SMU1: variants seen among roughly 807,000 people sequenced by gnomAD.
The protein encoded by SMU1 is SMU1 DNA replication regulator and spliceosomal factor, also known as WD40 repeat-containing protein SMU1.
Under a neutral mutation model 62.0 loss-of-function variants are expected in SMU1, and 2 were observed. The observed-to-expected ratio is 0.03, with a 90% confidence interval of 0.01 to 0.10. The LOEUF is 0.10. SMU1 is among the 10% of genes least tolerant of loss of function. The pLI, the probability that SMU1 is intolerant of heterozygous loss-of-function variation, is 1.00. For synonymous variants in SMU1, 188 were observed against 212.4 expected (o/e 0.89, Z 1.00); for missense variants, 227 against 622.1 (o/e 0.36, Z 6.76).
Position 33,068,915 on chromosome 9 carries a change from C to G in SMU1, c.410G>C (p.Ser137Thr). 1 of 1,614,100 alleles carries G rather than the reference C, an allele frequency of 6.2e-7. No individual in the cohort carries two copies. The highest frequency in any genetic ancestry group is 2.2e-5 in the East Asian group (1 of 44,868). The change falls in exon 4 of 12, where the codon AGC becomes ACC. Residue 137 changes from serine to threonine, a missense_variant. Coordinates refer to ENST00000397149, the MANE Select transcript of SMU1 (RefSeq NM_018225.3). ...DPREAYPDGS[S>T]KEKRRAAIAQ... ...AATTGCTGCTCTTCTCTTTTCTTTG[C>G]TACTTCCATCTGGGTATGCCTGAAA...
At chr9:33,071,157 T>A (rs2117871301) in intron 3 of SMU1, among the ~76,000 whole-genome samples, 1 of 152,258 alleles carries the variant, frequency 6.6e-6, no homozygotes, top group East Asian at 1.9e-4. Context: ...ATAAAAAATT[T>A]TTTTTAATCC....
In SMU1 at chr9:33,046,728, T is replaced by G. The variant is rs1218171522; in HGVS notation, c.*565A>C. 6.6e-6 allele frequency: 1 copy of G among 151,908 alleles called. No homozygotes were observed. Among genetic ancestry groups the G allele is most frequent in the African/African-American group, 2.4e-5 (1 of 41,250 alleles). 9.4% of individuals were successfully genotyped at this position (151,908 alleles called of 1,614,324 possible). A position where few individuals can be genotyped will look rare whatever the true frequency, so the allele number is the denominator to read the frequency against. On this transcript the variant is annotated 3_prime_UTR_variant, in exon 12 of 12. Transcript: ENST00000397149. ...CAACATGGTGAAACCCCATCTCTAC[T>G]AAAAATACAAAAAAATTAGCCAGGC...
In SMU1 at chr9:33,043,358, C is replaced by G. The variant is rs550925365; in HGVS notation, c.*3935G>C. 6.6e-6 allele frequency: 1 copy of G among 152,300 alleles called. No individual in the cohort carries two copies. The highest frequency in any genetic ancestry group is 2.1e-4 in the South Asian group (1 of 4,824). 9.4% of individuals were successfully genotyped at this position (152,300 alleles called of 1,614,324 possible). A position where few individuals can be genotyped will look rare whatever the true frequency, so the allele number is the denominator to read the frequency against. ...AGCATGAAACTTCTGAGACTGACAG[C>G]AAGAATTAAAACACCTTTTGTATAT... is the stretch of plus-strand genomic sequence containing the variant. On this transcript the variant is annotated 3_prime_UTR_variant, in exon 12 of 12. Coordinates refer to ENST00000397149, the MANE Select transcript of SMU1 (RefSeq NM_018225.3).
chr9:33,076,088 G>A (rs1839542948), intron 1 of SMU1, among the ~76,000 whole-genome samples: 1 of 152,162 alleles, frequency 6.6e-6, no homozygotes, highest in Non-Finnish European at 1.5e-5. Context: ...GAGCTCCTAG[G>A]CACCGACAAA....
At chr9:33,067,051 T>C (rs887954754) in intron 4 of SMU1, among the ~76,000 whole-genome samples, 2 of 151,830 alleles carry the variant, frequency 1.3e-5, no homozygotes, top group Admixed American at 6.6e-5. Context: ...CATAGAAAAC[T>C]AGGCAAAAGA....
At chr9:33,059,854 C>T (rs1035524028) in intron 6 of SMU1, among the ~76,000 whole-genome samples, 2 of 151,580 alleles carry the variant, frequency 1.3e-5, no homozygotes, top group Non-Finnish European at 2.9e-5. Context: ...TCAGGTGATC[C>T]ACCCGCCTCA....
intron 4 of SMU1, 146 bp from the exon 5 acceptor site, chr9:33,062,323 A>G (rs76249925): frequency 0.052 from 51,756 of 1,004,330 alleles, 1,739 homozygotes; most frequent in Admixed American, 0.077. Context: ...ATCCAAACAT[A>G]AAGTAATCTG....
At chr9:33,066,504 T>C (rs537741313) in intron 4 of SMU1, among the ~76,000 whole-genome samples, 1 of 20,162 alleles carries the variant, frequency 5.0e-5, no homozygotes, top group African/African-American at 1.7e-4. Flanking sequence ...TTCCATTTAA[T>C]TAAAAAAAAA....
intron 8 of SMU1, 131 bp downstream of exon 8, chr9:33,056,706 T>C: frequency 1.0e-6 from 1 of 1,003,742 alleles, no homozygotes; most frequent in Non-Finnish European, 1.5e-6. Context: ...AGGTCTCACA[T>C]ACCTTCCCTC....
chr9:33,055,048 G>A (rs1208249301), intron 9 of SMU1, among the ~76,000 whole-genome samples: 9 of 152,176 alleles, frequency 5.9e-5, no homozygotes, highest in African/African-American at 2.2e-4. Context: ...AGTACTAACA[G>A]CTCTGTGTGA....
chr9:33,042,402 A>G lies in SMU1; in HGVS notation c.*4891T>C, dbSNP rs371870363. 6 of 152,700 alleles carry G rather than the reference A, an allele frequency of 3.9e-5. No individual in the cohort carries two copies. Among genetic ancestry groups the G allele is most frequent in the East Asian group, 3.8e-4 (2 of 5,206 alleles). 9.5% of individuals were successfully genotyped at this position (152,700 alleles called of 1,614,324 possible). A position where few individuals can be genotyped will look rare whatever the true frequency, so the allele number is the denominator to read the frequency against. On this transcript the variant is annotated 3_prime_UTR_variant, in exon 12 of 12. Transcript: ENST00000397149. ...CTATGAAAAAACATTAACCAAGGTCATCATCCACAAAAATACAAGTTCCAG... is the reference window on the plus strand; with the variant it reads ...CTATGAAAAAACATTAACCAAGGTCGTCATCCACAAAAATACAAGTTCCAG...
At chr9:33,057,243 T>C (rs1369299071) in intron 7 of SMU1, among the ~76,000 whole-genome samples, 1 of 152,208 alleles carries the variant, frequency 6.6e-6, no homozygotes, top group Non-Finnish European at 1.5e-5. Context: ...CCAGGATGTA[T>C]TTCTAGCATT....
intron 6 of SMU1, among the ~76,000 whole-genome samples, chr9:33,059,700 C>T (rs1396570028): frequency 4.0e-5 from 6 of 149,392 alleles, no homozygotes; most frequent in African/African-American, 9.8e-5. Flanking sequence ...CCACCTCCCA[C>T]GTTCAAGCAA....
intron 6 of SMU1, among the ~76,000 whole-genome samples, chr9:33,058,881 T>C (rs1161047681): frequency 6.6e-6 from 1 of 152,136 alleles, no homozygotes; most frequent in Non-Finnish European, 1.5e-5. Flanking sequence ...TTGTAATGTA[T>C]ATTATAAAAC....
chr9:33,053,453 T>C (rs1318251157), intron 9 of SMU1, 163 bp from the exon 10 acceptor site: 1 of 230,714 alleles, frequency 4.3e-6, no homozygotes, highest in Non-Finnish European at 7.1e-6. Flanking sequence ...AGCACTGCCA[T>C]ATACAGTTTT....
At position 33,051,134 on chromosome 9, in the gene SMU1, AAT is replaced by A. The variant is rs1491017569; in HGVS notation, c.1290+1987_1290+1988del. Among the ~76,000 whole-genome samples the A allele has an allele frequency of 2.0e-4, 13 of 63,696 alleles. 3 individuals are homozygous for A. Among genetic ancestry groups the A allele is most frequent in the African/African-American group, 8.5e-4 (13 of 15,208 alleles). The allele number at this position is 63,696 out of a possible 152,430, so 41.8% of individuals were successfully genotyped here. ...AGACTCTGTCTCAAAAAAAAAAAAA[AAT>A]AAAAATAAAAATAAAAAATAAGCTA... is the stretch of plus-strand genomic sequence containing the variant. On this transcript the variant is annotated intron_variant, in intron 10 of 11. Coordinates refer to ENST00000397149, the MANE Select transcript of SMU1 (RefSeq NM_018225.3).
chr9:33,057,166 AATT>A (rs1839313030), intron 7 of SMU1, among the ~76,000 whole-genome samples: 1 of 152,186 alleles, frequency 6.6e-6, no homozygotes, highest in South Asian at 2.1e-4. Flanking sequence ...TTTCCTTGTA[AATT>A]ATTAAAACAA....
chr9:33,071,645 G>T, intron 3 of SMU1, 95 bp downstream of exon 3: 2 of 1,197,464 alleles, frequency 1.7e-6, no homozygotes, highest in South Asian at 1.5e-5. Flanking sequence ...AAATCACAAA[G>T]AGTATACAAT....
In SMU1 at chr9:33,046,437, A is replaced by C. The variant is rs1006631812; in HGVS notation, c.*856T>G. On this transcript the variant is annotated 3_prime_UTR_variant, in exon 12 of 12. Coordinates refer to ENST00000397149, the MANE Select transcript of SMU1 (RefSeq NM_018225.3). ...ACATGTTAGTCTATCCTACTATCCC[A>C]GGAATTCACTTCTGCTGTACTTGAG... is the stretch of plus-strand genomic sequence containing the variant. The C allele has an allele frequency of 1.3e-5, 2 of 152,292 alleles. No individual in the cohort carries two copies. Among genetic ancestry groups the C allele is most frequent in the Middle Eastern group, 3.4e-3 (1 of 294 alleles). The allele number at this position is 152,292 out of a possible 1,614,324, so 9.4% of individuals were successfully genotyped here.
Sources: allele counts gnomAD v4.1 joint callset (sites outside exome capture counted in the v4.1 genomes callset), GRCh38; gene constraint gnomAD v4.1.1; transcripts MANE v1.5; gene names NCBI Gene and HGNC (gene_info 2026-07-23, HGNC 2026-07-21).